Variants in NELFB observed in about 807,000 individuals in gnomAD.
NELFB encodes negative elongation factor B.
NELFB carries 34 observed loss-of-function variants against 60.2 expected under a neutral mutation model. That is an observed-to-expected ratio of 0.56 (90% CI 0.43 to 0.75). The LOEUF (loss-of-function observed/expected upper bound fraction) is 0.75, where lower values mean the gene tolerates loss of function less well. Ranked by LOEUF, NELFB falls within the 30% of genes least tolerant of loss-of-function variation. NELFB has a pLI of 0.00. For missense variants in NELFB, 770 were observed against 831.6 expected, an observed-to-expected ratio of 0.93 and a Z score of 0.91; for synonymous variants, 459 against 382.1, an observed-to-expected ratio of 1.20 and a Z score of -2.35.
chr9:137,270,072 G>A (rs140619827), intron 10 of NELFB, among the ~76,000 whole-genome samples: 2 of 152,236 alleles, frequency 1.3e-5, no homozygotes, highest in East Asian at 1.9e-4. Context: ...CGGGGTCCAC[G>A]TGGGGTCTGC....
Position 137,267,099 on chromosome 9 carries a change from G to GGGCCATGGTGCAGGGGT in NELFB, c.1382+18_1382+34dup, listed in dbSNP as rs1219600351. 6.2e-7 allele frequency: 1 copy of GGGCCATGGTGCAGGGGT among 1,613,798 alleles called. No individual in the cohort carries two copies. The highest frequency in any genetic ancestry group is 8.5e-7 in the Non-Finnish European group (1 of 1,180,004). ...AAAGCTTCACTAAGTACGGGCTGTA[G>GGGCCATGGTGCAGGGGT]GGCCATGGTGCAGGGGTGGCCGTGG... On this transcript the variant is annotated intron_variant, in intron 9 of 12. Coordinates refer to ENST00000343053, the MANE Select transcript of NELFB (RefSeq NM_015456.5).
chr9:137,272,616 G>A lies in NELFB; in HGVS notation c.1740+1G>A. On this transcript the variant is annotated splice_donor_variant, in intron 12 of 12. Transcript: ENST00000343053. LOFTEE classifies it high-confidence loss of function. ...GAAGGCCCTGGAGCCTACAGGCCAGGTGGGTGCCCGGGGGGGCTGCATCTG... is the reference window on the plus strand; with the variant it reads ...GAAGGCCCTGGAGCCTACAGGCCAGATGGGTGCCCGGGGGGGCTGCATCTG... 6.3e-7 allele frequency: 1 copy of A among 1,589,410 alleles called. No individual in the cohort carries two copies. The highest frequency in any genetic ancestry group is 8.6e-7 in the Non-Finnish European group (1 of 1,168,552).
intron 10 of NELFB, among the ~76,000 whole-genome samples, chr9:137,267,667 T>C (rs1049734733): frequency 6.6e-6 from 1 of 152,040 alleles, no homozygotes; most frequent in Non-Finnish European, 1.5e-5. Context: ...CTAATTTTTG[T>C]ATTTTTAGTA....
At chr9:137,267,452 C>A in intron 10 of NELFB, 106 bp downstream of exon 10, 2 of 800,784 alleles carry the variant, frequency 2.5e-6, no homozygotes, top group Non-Finnish European at 2.0e-6. Flanking sequence ...TGCCTTGTCT[C>A]CCCAGCCCAC....
Position 137,266,380 on chromosome 9 carries a change from G to C in NELFB, c.1193G>C (p.Gly398Ala). The C allele has an allele frequency of 6.2e-7, 1 of 1,612,982 alleles. No homozygotes were observed. Among genetic ancestry groups the C allele is most frequent in the Non-Finnish European group, 8.5e-7 (1 of 1,179,980 alleles). ...CTCCGGCTGCTGGCGCTGGGCCAGG[G>C]AGCCTGGGACATGATCGACAGCCAG... is the stretch of plus-strand genomic sequence containing the variant. Residue 398 changes from glycine (G) to alanine (A), a missense_variant, in exon 8 of 13, where the codon GGA becomes GCA. Transcript: ENST00000343053.
intron 10 of NELFB, 40 bp downstream of exon 10, chr9:137,267,386 C>G: frequency 6.5e-7 from 1 of 1,542,372 alleles, no homozygotes. Flanking sequence ...GTCTTCCCTG[C>G]GGCAGCTGCC....
intron 10 of NELFB, among the ~76,000 whole-genome samples, chr9:137,270,736 T>C (rs1232807385): frequency 6.6e-6 from 1 of 152,096 alleles, no homozygotes; most frequent in African/African-American, 2.4e-5. Flanking sequence ...GCCTGGCCAA[T>C]GTGGCGAAAC....
rs1389066968 is a variant in NELFB at position 137,269,539 on chromosome 9, C to T, written c.1489+2193C>T. Among the ~76,000 whole-genome samples the T allele has an allele frequency of 6.6e-6, 1 of 152,352 alleles. No individual in the cohort carries two copies. Among genetic ancestry groups the T allele is most frequent in the African/African-American group, 2.4e-5 (1 of 41,582 alleles). On this transcript the variant is annotated intron_variant, in intron 10 of 12. Coordinates refer to ENST00000343053, the MANE Select transcript of NELFB (RefSeq NM_015456.5). The surrounding 1 kb of genome is among the most constrained non-coding windows in gnomAD (Gnocchi z 5.3). The stretch of plus-strand genomic sequence containing the variant: ...ACCGTGGACCACATATACGACCACG[C>T]GGTCACATAAGCTGACAATACTGTA...
rs767955622 is a variant in NELFB, at chr9:137,265,902, C to T, written c.1066C>T (p.Pro356Ser). 2.5e-6 allele frequency: 4 copies of T among 1,613,130 alleles called. No individual in the cohort carries two copies. Among genetic ancestry groups the T allele is most frequent in the East Asian group, 2.2e-5 (1 of 44,884 alleles). Reference sequence around the variant, plus strand: ...GGACCTGTCCATGATCCTGTGTGACCCCTTCGCCATCAACACGCTGGCACT... The same window carrying T: ...GGACCTGTCCATGATCCTGTGTGACTCCTTCGCCATCAACACGCTGGCACT... The change falls in exon 7 of 13, where the codon CCC (proline) becomes TCC (serine). Residue 356 changes from proline (P) to serine (S), a missense_variant. Pro to Ser is a moderately conservative substitution (Grantham distance 74). Transcript: ENST00000343053.
intron 6 of NELFB, among the ~76,000 whole-genome samples, chr9:137,265,512 C>T (rs1357092024): frequency 1.3e-5 from 2 of 151,380 alleles, no homozygotes; most frequent in Admixed American, 6.6e-5. Flanking sequence ...CCTCAGCCTC[C>T]CGAGTAGCTG....
chr9:137,258,441 A>G (rs1210118499), intron 4 of NELFB, among the ~76,000 whole-genome samples: 1 of 148,118 alleles, frequency 6.8e-6, no homozygotes, highest in African/African-American at 2.5e-5. Context: ...AGATTTTTTA[A>G]TTAGCCAATT....
intron 4 of NELFB, among the ~76,000 whole-genome samples, chr9:137,260,313 G>A (rs1830420618): frequency 6.6e-6 from 1 of 151,462 alleles, no homozygotes; most frequent in East Asian, 1.9e-4. Context: ...GCCTCCCAAA[G>A]TGCTGGGATT....
chr9:137,258,470 A>G (rs1208475151), intron 4 of NELFB, among the ~76,000 whole-genome samples: 3 of 143,760 alleles, frequency 2.1e-5, no homozygotes, highest in Non-Finnish European at 4.5e-5. Flanking sequence ...TTTTTTTGAG[A>G]CAGAGTCTTG....
chr9:137,258,011 C>G (rs184153137), intron 4 of NELFB, among the ~76,000 whole-genome samples: 14 of 151,076 alleles, frequency 9.3e-5, no homozygotes, highest in African/African-American at 3.4e-4. Flanking sequence ...GGCTATGTTG[C>G]TCAGGCTGGT....
In NELFB at chr9:137,273,010, G is replaced by A. The variant is rs937643955; in HGVS notation, c.*82G>A. On this transcript the variant is annotated 3_prime_UTR_variant, in exon 13 of 13. Coordinates refer to ENST00000343053, the MANE Select transcript of NELFB (RefSeq NM_015456.5). ...CCGGAAGAGGCTCCCGGACCTGGAT[G>A]TACAGGGCAGTCTCTCTTCCCGGGG... The A allele has an allele frequency of 1.2e-5, 16 of 1,380,128 alleles. No homozygotes were observed. In the Admixed American group the frequency reaches 4.2e-4, roughly 37 times the overall value. 85.5% of individuals were successfully genotyped at this position (1,380,128 alleles called of 1,614,324 possible). A position where few individuals can be genotyped will look rare whatever the true frequency, so the allele number is the denominator to read the frequency against.
chr9:137,267,110 C>G, intron 9 of NELFB, 24 bp downstream of exon 9: 1 of 1,613,606 alleles, frequency 6.2e-7, no homozygotes, highest in Non-Finnish European at 8.5e-7. Flanking sequence ...GGCCATGGTG[C>G]AGGGGTGGCC....
intron 8 of NELFB, 87 bp from the exon 9 acceptor site, chr9:137,266,857 A>T: frequency 2.2e-6 from 3 of 1,372,172 alleles, no homozygotes; most frequent in Non-Finnish European, 2.9e-6. Context: ...GGGGAGTGGG[A>T]GGGCCAGGGG....
chr9:137,263,177 C>T lies in NELFB; in HGVS notation c.882C>T (p.His294=), dbSNP rs771697429. The change falls in exon 5 of 13, where the codon CAC becomes CAT. Residue 294 remains histidine (H), a synonymous_variant. Coordinates refer to ENST00000343053, the MANE Select transcript of NELFB (RefSeq NM_015456.5). ...GGGCTGAGCTGCTCATGTCCCTGCACGACCTGGACGTGGGTGAAATCTGCA... is the reference window on the plus strand; with the variant it reads ...GGGCTGAGCTGCTCATGTCCCTGCATGACCTGGACGTGGGTGAAATCTGCA... 5.3e-5 allele frequency: 86 copies of T among 1,613,634 alleles called. No individual in the cohort carries two copies. The highest frequency in any genetic ancestry group is 1.8e-4 in the Admixed American group (11 of 60,000).
intron 6 of NELFB, among the ~76,000 whole-genome samples, chr9:137,265,291 G>A (rs1197666205): frequency 1.4e-5 from 2 of 147,222 alleles, no homozygotes; most frequent in East Asian, 2.0e-4. Context: ...GATGACAGGC[G>A]TGAGCCACCA....
Sources: gnomAD v4.1 joint callset for allele counts (sites outside exome capture counted in the v4.1 genomes callset) on GRCh38, gnomAD v4.1.1 for gene constraint, Gnocchi (gnomAD v3.1) non-coding constraint, MANE v1.5 for transcripts, NCBI Gene and HGNC (gene_info 2026-07-23, HGNC 2026-07-21) for gene names.